P2RY8: variants seen among roughly 807,000 people sequenced by gnomAD.
P2RY8 encodes the protein P2Y receptor family member 8, also known as S-geranylgeranyl-glutathione receptor P2RY8.
In P2RY8, 6 loss-of-function variants were observed where a neutral mutation model predicts 10.0. That is an observed-to-expected ratio of 0.60 (90% CI 0.33 to 1.19). The LOEUF is 1.19. Ranked by LOEUF, P2RY8 falls within the 50% of genes most tolerant of loss-of-function variation. The pLI, the probability that P2RY8 is intolerant of heterozygous loss-of-function variation, is 0.04. For missense variants in P2RY8, 456 were observed against 542.0 expected (o/e 0.84, Z 1.58); for synonymous variants, 276 against 252.5 (o/e 1.09, Z -0.88).
chrX:1,469,282 G>A (rs1294990201), intron 1 of P2RY8, among the ~76,000 whole-genome samples: 4 of 150,032 alleles, frequency 2.7e-5, no homozygotes, highest in Non-Finnish European at 4.4e-5. Flanking sequence ...TCCTGCCTCA[G>A]CCTCCTGAGT....
At chrX:1,470,127 G>T (rs1399698444) in intron 1 of P2RY8, among the ~76,000 whole-genome samples, 3 of 152,156 alleles carry the variant, frequency 2.0e-5, no homozygotes, top group African/African-American at 7.2e-5. Context: ...GGGAGGCCGA[G>T]GCAGGTGGAT....
chrX:1,534,131 T>TATATATATTTAC (rs1206723728), intron 1 of P2RY8, among the ~76,000 whole-genome samples: 1 of 131,388 alleles, frequency 7.6e-6, no homozygotes, highest in African/African-American at 3.0e-5. Flanking sequence ...ATTATATATT[T>TATATATATTTAC]ATATATATTT....
At chrX:1,514,855 C>CTTTT (rs1569538376) in intron 1 of P2RY8, among the ~76,000 whole-genome samples, 27 of 32,418 alleles carry the variant, frequency 8.3e-4, no homozygotes, top group Non-Finnish European at 1.1e-3. Flanking sequence ...CTTTCCCTCC[C>CTTTT]CCTCCCCCTC....
chrX:1,525,950 A>T (rs5948937), intron 1 of P2RY8, among the ~76,000 whole-genome samples: 113,034 of 151,288 alleles, frequency 0.75, 42,596 homozygotes, highest in East Asian at 0.98. Flanking sequence ...CCATCCACTT[A>T]TCAATACACC....
chrX:1,500,291 A>G, intron 1 of P2RY8, among the ~76,000 whole-genome samples: 1 of 150,522 alleles, frequency 6.6e-6, no homozygotes, highest in Admixed American at 6.6e-5. Flanking sequence ...TTATGTACTT[A>G]TTTTGAGGTA....
In P2RY8 at chrX:1,493,460, G is replaced by GAAA. The variant is rs746726153; in HGVS notation, c.-24-26879_-24-26878insTTT. On this transcript the variant is annotated intron_variant, in intron 1 of 1. Coordinates refer to ENST00000381297, the MANE Select transcript of P2RY8 (RefSeq NM_178129.5). ...GGAAGGAGGAGGAAGGAGGAAGGAG[G>GAAA]GAGGAGGGAGGGAGGGAAGGAAGGA... 1.8e-4 allele frequency among the ~76,000 whole-genome samples: 21 copies of GAAA among 115,124 alleles called. 3 individuals are homozygous for GAAA. The East Asian group carries it at 4.5e-3, about 25-fold the overall frequency. The allele number at this position is 115,124 out of a possible 152,430, so 75.5% of individuals were successfully genotyped here.
chrX:1,522,867 G>A (rs1307253023), intron 1 of P2RY8, among the ~76,000 whole-genome samples: 3 of 151,762 alleles, frequency 2.0e-5, no homozygotes, highest in Non-Finnish European at 1.5e-5. Flanking sequence ...TCAAGAGTTC[G>A]AGACCAGCCT....
intron 1 of P2RY8, among the ~76,000 whole-genome samples, chrX:1,509,002 TCATCCATCCATC>T (rs776849927): frequency 9.4e-5 from 11 of 116,608 alleles, no homozygotes; most frequent in East Asian, 2.7e-4. Flanking sequence ...CTGTATGTGT[TCATCCATCCATC>T]CATCCATCCA....
At chrX:1,466,630 G>A in intron 1 of P2RY8, 48 bp from the exon 2 acceptor site, 1 of 1,516,882 alleles carries the variant, frequency 6.6e-7, no homozygotes, top group Non-Finnish European at 8.8e-7. Flanking sequence ...CGCAGGTAAA[G>A]AGGCGGCTGC....
intron 1 of P2RY8, among the ~76,000 whole-genome samples, chrX:1,522,674 G>A (rs2092401453): frequency 6.6e-6 from 1 of 152,014 alleles, no homozygotes; most frequent in African/African-American, 2.4e-5. Flanking sequence ...GGGAGGCTGA[G>A]GTGGAAGGAT....
chrX:1,465,372 TGGGAGCAACG>T lies in P2RY8; in HGVS notation c.*97_*106del. The stretch of plus-strand genomic sequence containing the variant: ...TTCCCCACCGGGCCTCTGCAGTGCC[TGGGAGCAACG>T]CAGCTGTTCTCCCTGAACCTCTGGC... On this transcript the variant is annotated 3_prime_UTR_variant, in exon 2 of 2. Coordinates refer to ENST00000381297, the MANE Select transcript of P2RY8 (RefSeq NM_178129.5). 4 of 1,491,072 alleles carry T rather than the reference TGGGAGCAACG, an allele frequency of 2.7e-6. No homozygotes were observed. The highest frequency in any genetic ancestry group is 2.5e-4 in the Middle Eastern group (1 of 3,962). The allele number at this position is 1,491,072 out of a possible 1,614,324, so 92.4% of individuals were successfully genotyped here.
chrX:1,518,450 T>A (rs2092367716), intron 1 of P2RY8, among the ~76,000 whole-genome samples: 1 of 147,624 alleles, frequency 6.8e-6, no homozygotes, highest in Non-Finnish European at 1.5e-5. Flanking sequence ...AATAATAATA[T>A]AATAAAATAT....
intron 1 of P2RY8, among the ~76,000 whole-genome samples, chrX:1,526,956 C>T (rs1175925023): frequency 2.0e-5 from 3 of 152,118 alleles, no homozygotes; most frequent in African/African-American, 7.2e-5. Context: ...TGCAACAGCT[C>T]GATCTTGGCT....
chrX:1,466,665 C>T, intron 1 of P2RY8, 83 bp from the exon 2 acceptor site: 1 of 1,353,182 alleles, frequency 7.4e-7, no homozygotes, highest in Non-Finnish European at 1.0e-6. Flanking sequence ...AGCGCCGCTC[C>T]CCGGGGACCA....
At chrX:1,503,895 C>CA (rs11390199) in intron 1 of P2RY8, among the ~76,000 whole-genome samples, 16,841 of 151,596 alleles carry the variant, frequency 0.11, 1,926 homozygotes, top group African/African-American at 0.3. Flanking sequence ...TCAAACAAAA[C>CA]AAAAAACAAG....
chrX:1,464,952 G>A lies in P2RY8; in HGVS notation c.*527C>T. ...TACGGAGACCAGAACCCCTGGAGGA[G>A]AATGGAGAAGGCCAGAACCACAACT... On this transcript the variant is annotated 3_prime_UTR_variant, in exon 2 of 2. Transcript: ENST00000381297. 1 of 237,852 alleles carries A rather than the reference G, an allele frequency of 4.2e-6. No individual in the cohort carries two copies. Among genetic ancestry groups the A allele is most frequent in the Non-Finnish European group, 8.3e-6 (1 of 121,108 alleles). The allele number at this position is 237,852 out of a possible 1,614,324, so 14.7% of individuals were successfully genotyped here. A position where few individuals can be genotyped will look rare whatever the true frequency, so the allele number is the denominator to read the frequency against.
At chrX:1,471,697 G>A (rs1394212633) in intron 1 of P2RY8, among the ~76,000 whole-genome samples, 3 of 152,118 alleles carry the variant, frequency 2.0e-5, no homozygotes, top group Admixed American at 1.3e-4. Flanking sequence ...GATGCTGAGT[G>A]CAGTGATCAC....
chrX:1,488,521 G>C (rs1358617872), intron 1 of P2RY8, among the ~76,000 whole-genome samples: 3 of 152,124 alleles, frequency 2.0e-5, no homozygotes, highest in Non-Finnish European at 2.9e-5. Flanking sequence ...GCACAGTCTT[G>C]AGTGACACCT....
chrX:1,467,092 T>G (rs1270093519), intron 1 of P2RY8, among the ~76,000 whole-genome samples: 1 of 151,934 alleles, frequency 6.6e-6, no homozygotes, highest in Non-Finnish European at 1.5e-5. Context: ...CCCAGGGTGG[T>G]CTTAATGGGA....
Sources: allele counts gnomAD v4.1 joint callset (sites outside exome capture counted in the v4.1 genomes callset), GRCh38; gene constraint gnomAD v4.1.1; transcripts MANE v1.5; gene names NCBI Gene and HGNC (gene_info 2026-07-23, HGNC 2026-07-21).